The following KPNA3 variants were observed in gnomAD, a reference collection of about 807,000 sequenced individuals.
The protein encoded by KPNA3 is karyopherin subunit alpha 3.
KPNA3 carries 13 observed loss-of-function variants against 73.8 expected under a neutral mutation model. The ratio of observed to expected loss-of-function variants is 0.18; its 90% CI spans 0.11 to 0.28. The LOEUF (loss-of-function observed/expected upper bound fraction) is 0.28, where lower values mean the gene tolerates loss of function less well. KPNA3 is among the 10% of genes least tolerant of loss of function. The pLI is 1.00. For synonymous variants in KPNA3, 186 were observed against 206.9 expected (o/e 0.90, Z 0.87); for missense variants, 360 against 618.1 (o/e 0.58, Z 4.43).
intron 1 of KPNA3, among the ~76,000 whole-genome samples, chr13:49,757,826 GC>G (rs1420851894): frequency 6.6e-6 from 1 of 152,056 alleles, no homozygotes; most frequent in Non-Finnish European, 1.5e-5. Flanking sequence ...ACACCATATA[GC>G]AATTAAAAGA....
At chr13:49,747,916 C>T (rs1954632430) in intron 1 of KPNA3, among the ~76,000 whole-genome samples, 2 of 152,056 alleles carry the variant, frequency 1.3e-5, no homozygotes, top group South Asian at 4.1e-4. Flanking sequence ...TTAATGAGAC[C>T]TAAAGTGGCT....
chr13:49,738,434 C>T (rs1954544175), intron 2 of KPNA3, among the ~76,000 whole-genome samples: 1 of 152,144 alleles, frequency 6.6e-6, no homozygotes, highest in Non-Finnish European at 1.5e-5. Flanking sequence ...ACCAACAGAT[C>T]AATTTAGGGA....
At chr13:49,753,701 T>A (rs1246785504) in intron 1 of KPNA3, among the ~76,000 whole-genome samples, 1 of 152,226 alleles carries the variant, frequency 6.6e-6, no homozygotes, top group Non-Finnish European at 1.5e-5. Context: ...CAGATCACGG[T>A]TGGCATTAGA....
At chr13:49,771,319 C>T (rs1954853734) in intron 1 of KPNA3, among the ~76,000 whole-genome samples, 1 of 152,126 alleles carries the variant, frequency 6.6e-6, no homozygotes. Flanking sequence ...ATCTTTCTTT[C>T]AATGAAGTTG....
Position 49,730,700 on chromosome 13 carries a change from T to C in KPNA3, c.383+1671A>G, listed in dbSNP as rs527335179. Reference sequence around the variant, plus strand: ...TAGTTACATATGTATACATGTGCCATGCTGGTGTGCTGCACCCATTAACTC... The same window carrying C: ...TAGTTACATATGTATACATGTGCCACGCTGGTGTGCTGCACCCATTAACTC... On this transcript the variant is annotated intron_variant, in intron 6 of 16. Coordinates refer to ENST00000261667, the MANE Select transcript of KPNA3 (RefSeq NM_002267.4). 1.5e-3 allele frequency among the ~76,000 whole-genome samples: 219 copies of C among 151,002 alleles called. 1 individual carries two copies. Among genetic ancestry groups the C allele is most frequent in the African/African-American group, 4.9e-3 (200 of 41,096 alleles).
chr13:49,703,675 T>C (rs1954173968), intron 15 of KPNA3, among the ~76,000 whole-genome samples: 1 of 152,150 alleles, frequency 6.6e-6, no homozygotes, highest in South Asian at 2.1e-4. Flanking sequence ...ACAATGAACC[T>C]GGGAGAAAAT....
intron 1 of KPNA3, among the ~76,000 whole-genome samples, chr13:49,755,433 A>G (rs1954702192): frequency 6.6e-6 from 1 of 152,258 alleles, no homozygotes; most frequent in Non-Finnish European, 1.5e-5. Context: ...TATTCAACAT[A>G]GTATAAGAAG....
intron 10 of KPNA3, 138 bp downstream of exon 10, chr13:49,719,637 G>A: frequency 2.9e-6 from 2 of 684,338 alleles, no homozygotes; most frequent in Admixed American, 3.1e-5. Context: ...CCTAATTTAA[G>A]CTTAATCCTA....
intron 11 of KPNA3, among the ~76,000 whole-genome samples, chr13:49,710,241 G>A (rs761145875): frequency 5.3e-5 from 8 of 152,090 alleles, no homozygotes; most frequent in South Asian, 2.1e-4. Context: ...CAGCTTGGGC[G>A]ACAGAACAAG....
At chr13:49,708,185 C>T (rs185658027) in intron 12 of KPNA3, among the ~76,000 whole-genome samples, 87 of 151,708 alleles carry the variant, frequency 5.7e-4, no homozygotes, top group Admixed American at 1.4e-3. Flanking sequence ...TTAGTAGAGA[C>T]GGGGTTTCAC....
intron 7 of KPNA3, among the ~76,000 whole-genome samples, chr13:49,724,794 G>C (rs556507261): frequency 8.5e-5 from 13 of 152,088 alleles, no homozygotes; most frequent in African/African-American, 2.9e-4. Flanking sequence ...ACACGATTTT[G>C]TCATGTCACC....
At position 49,702,315 on chromosome 13, in the gene KPNA3, T is replaced by TCTTAGTTTTC. The variant is rs142067962; in HGVS notation, c.1467+70_1467+71insGAAAACTAAG. Reference sequence around the variant, plus strand: ...GTCATCCTAATAATAAAAGGAAAACTCTTAGTAAATTTACATCATGTATAG... The same window carrying TCTTAGTTTTC: ...GTCATCCTAATAATAAAAGGAAAACTCTTAGTTTTCCTTAGTAAATTTACATCATGTATAG... On this transcript the variant is annotated intron_variant, in intron 16 of 16. Transcript: ENST00000261667. The TCTTAGTTTTC allele has an allele frequency of 7.6e-3, 6,098 of 804,982 alleles. 280 individuals carry two copies. The African/African-American group carries it at 0.095, about 13-fold the overall frequency. The allele number at this position is 804,982 out of a possible 1,614,324, so 49.9% of individuals were successfully genotyped here. A position where few individuals can be genotyped will look rare whatever the true frequency, so the allele number is the denominator to read the frequency against.
chr13:49,704,793 A>G (rs1954190846), intron 15 of KPNA3, among the ~76,000 whole-genome samples: 4 of 152,222 alleles, frequency 2.6e-5, no homozygotes, highest in Admixed American at 2.6e-4. Context: ...TTCAGGATGT[A>G]GTTGTGGAAA....
chr13:49,765,796 C>T (rs1954803513), intron 1 of KPNA3, among the ~76,000 whole-genome samples: 1 of 152,124 alleles, frequency 6.6e-6, no homozygotes, highest in Admixed American at 6.5e-5. Flanking sequence ...CGTCAATCAC[C>T]CCTCCAATTA....
At chr13:49,786,405 G>A (rs1177912437) in intron 1 of KPNA3, among the ~76,000 whole-genome samples, 1 of 152,122 alleles carries the variant, frequency 6.6e-6, no homozygotes, top group Admixed American at 6.5e-5. Context: ...AATTCACCTA[G>A]GAAAACACTA....
chr13:49,789,524 T>C (rs1399276018), intron 1 of KPNA3, among the ~76,000 whole-genome samples: 1 of 152,212 alleles, frequency 6.6e-6, no homozygotes, highest in East Asian at 1.9e-4. Context: ...GCTTCTATAA[T>C]TTATAACATG....
intron 2 of KPNA3, among the ~76,000 whole-genome samples, chr13:49,745,621 G>C (rs961138827): frequency 6.6e-6 from 1 of 151,970 alleles, no homozygotes; most frequent in Non-Finnish European, 1.5e-5. Context: ...GCCTCCCAAA[G>C]TGCTGGAATG....
chr13:49,739,655 G>A (rs1254128855), intron 2 of KPNA3, among the ~76,000 whole-genome samples: 1 of 152,178 alleles, frequency 6.6e-6, no homozygotes, highest in Non-Finnish European at 1.5e-5. Flanking sequence ...GTTATTTGAA[G>A]TGTGATCCTT....
chr13:49,712,437 G>A, intron 10 of KPNA3, among the ~76,000 whole-genome samples: 1 of 147,672 alleles, frequency 6.8e-6, no homozygotes, highest in East Asian at 2.0e-4. Context: ...ATAGAAGGGG[G>A]AAAAAAAAAT....
Sources: gnomAD v4.1 joint callset for allele counts (sites outside exome capture counted in the v4.1 genomes callset) on GRCh38, gnomAD v4.1.1 for gene constraint, MANE v1.5 for transcripts, NCBI Gene and HGNC (gene_info 2026-07-23, HGNC 2026-07-21) for gene names.